Variants in AP4S1 observed in about 807,000 individuals in gnomAD.
The protein encoded by AP4S1 is adaptor related protein complex 4 subunit sigma 1.
Under a neutral mutation model 19.8 loss-of-function variants are expected in AP4S1, and 23 were observed. That is an observed-to-expected ratio of 1.16 (90% CI 0.84 to 1.65). The LOEUF is 1.65. Ranked by LOEUF, AP4S1 falls within the 40% of genes most tolerant of loss-of-function variation. The pLI, the probability that AP4S1 is intolerant of heterozygous loss-of-function variation, is 0.00. For synonymous variants in AP4S1, 46 were observed against 54.1 expected (o/e 0.85, Z 0.66); for missense variants, 166 against 172.8 (o/e 0.96, Z 0.22).
At chr14:31,087,812 T>A (rs1160309409) in intron 5 of AP4S1, among the ~76,000 whole-genome samples, 1 of 151,968 alleles carries the variant, frequency 6.6e-6, no homozygotes, top group Non-Finnish European at 1.5e-5. Flanking sequence ...GTTGGAAGAG[T>A]CAGAAAGGAT....
chr14:31,025,916 C>G, intron 1 of AP4S1, 129 bp downstream of exon 1: 2 of 1,601,466 alleles, frequency 1.2e-6, no homozygotes, highest in Non-Finnish European at 1.7e-6. Context: ...GCAGTTCGGC[C>G]CGTTCCACCT....
At chr14:31,053,818 G>C (rs754471592) in intron 1 of AP4S1, among the ~76,000 whole-genome samples, 2 of 151,668 alleles carry the variant, frequency 1.3e-5, no homozygotes, top group Non-Finnish European at 2.9e-5. Context: ...TAGTTGCTAA[G>C]ACATTTTAGA....
chr14:31,026,523 T>C (rs1484364283), intron 1 of AP4S1: 1 of 236,720 alleles, frequency 4.2e-6, no homozygotes, highest in Admixed American at 5.8e-5. Context: ...AATCGCCAAA[T>C]AGAGTCCGGC....
intron 1 of AP4S1, among the ~76,000 whole-genome samples, chr14:31,064,450 T>A (rs1035122750): frequency 2.0e-5 from 3 of 152,066 alleles, no homozygotes; most frequent in African/African-American, 7.2e-5. Context: ...GCCTTCTGAG[T>A]AGCTGGGATT....
chr14:31,039,466 T>TG (rs1226210500), intron 1 of AP4S1, among the ~76,000 whole-genome samples: 1 of 152,148 alleles, frequency 6.6e-6, no homozygotes, highest in African/African-American at 2.4e-5. Flanking sequence ...ATCACAGGCG[T>TG]GAGCCACTGT....
chr14:31,085,245 T>A (rs1780296632), intron 5 of AP4S1: 1 of 1,044,898 alleles, frequency 9.6e-7, no homozygotes, highest in African/African-American at 1.7e-5. Flanking sequence ...GGTCCCTAGA[T>A]ATCCCAGAAC....
chr14:31,072,529 C>G (rs1384456577), intron 3 of AP4S1, among the ~76,000 whole-genome samples: 1 of 152,122 alleles, frequency 6.6e-6, no homozygotes, highest in Non-Finnish European at 1.5e-5. Flanking sequence ...CACCACCACA[C>G]CTGGCTAGTT....
rs199545043 is a variant in AP4S1, at chr14:31,094,999, G to C, written c.*1964G>C. 2 of 152,320 alleles carry C rather than the reference G, an allele frequency of 1.3e-5. No homozygotes were observed. Among genetic ancestry groups the C allele is most frequent in the East Asian group, 1.9e-4 (1 of 5,200 alleles). 9.4% of individuals were successfully genotyped at this position (152,320 alleles called of 1,614,324 possible). A position where few individuals can be genotyped will look rare whatever the true frequency, so the allele number is the denominator to read the frequency against. Reference sequence around the variant, plus strand: ...CCACTGCACTCCAGCCTGGGCGACAGAGTGAGACCCTGTCTCTAAAAATAA... The same window carrying C: ...CCACTGCACTCCAGCCTGGGCGACACAGTGAGACCCTGTCTCTAAAAATAA... On this transcript the variant is annotated 3_prime_UTR_variant, in exon 6 of 6. Coordinates refer to ENST00000542754, the MANE Select transcript of AP4S1 (RefSeq NM_001128126.3).
intron 1 of AP4S1, among the ~76,000 whole-genome samples, chr14:31,033,332 A>G (rs1208880134): frequency 6.6e-6 from 1 of 151,878 alleles, no homozygotes; most frequent in African/African-American, 2.4e-5. Context: ...TCCTGCCTCA[A>G]CTTCCTGAGT....
chr14:31,079,420 G>A (rs570206337), intron 4 of AP4S1, among the ~76,000 whole-genome samples: 27 of 152,170 alleles, frequency 1.8e-4, no homozygotes, highest in Non-Finnish European at 2.9e-4. Flanking sequence ...CATGGGAGGA[G>A]GCTGCACATT....
intron 1 of AP4S1, chr14:31,033,113 T>C (rs772219011): frequency 5.3e-5 from 8 of 152,228 alleles, no homozygotes; most frequent in Admixed American, 1.3e-4. Context: ...ATCCTATCAA[T>C]GGGTTCATTA....
At chr14:31,041,793 C>T (rs374123302) in intron 1 of AP4S1, among the ~76,000 whole-genome samples, 8 of 152,206 alleles carry the variant, frequency 5.3e-5, no homozygotes, top group Admixed American at 2.0e-4. Flanking sequence ...CATTTCTAAC[C>T]TATACCCACA....
chr14:31,073,285 T>C (rs1289396290), intron 4 of AP4S1: 20 of 323,320 alleles, frequency 6.2e-5, no homozygotes, highest in South Asian at 3.7e-4. Flanking sequence ...GGTCAGGAGA[T>C]GGAGACCATC....
chr14:31,026,230 C>A, intron 1 of AP4S1: 1 of 1,376,974 alleles, frequency 7.3e-7, no homozygotes, highest in Non-Finnish European at 9.3e-7. Context: ...ACGCCGACAG[C>A]TGGGGGAAGG....
intron 1 of AP4S1, among the ~76,000 whole-genome samples, chr14:31,051,255 CAA>C (rs1187415787): frequency 2.5e-4 from 28 of 113,692 alleles, no homozygotes; most frequent in Admixed American, 4.7e-4. Flanking sequence ...AACCGTGTCT[CAA>C]AAAAAAAAAA....
chr14:31,025,931 G>C (rs779726846), intron 1 of AP4S1, 144 bp downstream of exon 1: 2 of 1,601,112 alleles, frequency 1.2e-6, no homozygotes, highest in Non-Finnish European at 1.7e-6. Flanking sequence ...CCACCTCCCA[G>C]TGCGCCCGCT....
intron 1 of AP4S1, among the ~76,000 whole-genome samples, chr14:31,028,584 CA>C (rs1358270967): frequency 7.8e-6 from 1 of 128,286 alleles, no homozygotes; most frequent in Non-Finnish European, 1.7e-5. Context: ...GCCTCAAAGA[CA>C]TACACACACA....
At chr14:31,088,162 C>T (rs1252632577) in intron 5 of AP4S1, among the ~76,000 whole-genome samples, 1 of 152,112 alleles carries the variant, frequency 6.6e-6, no homozygotes, top group Non-Finnish European at 1.5e-5. Flanking sequence ...ACAGTTCTGC[C>T]TCCAGGTTTT....
chr14:31,066,376 G>A (rs540477404), intron 2 of AP4S1, 42 bp downstream of exon 2: 2 of 1,612,800 alleles, frequency 1.2e-6, no homozygotes, highest in South Asian at 2.2e-5. Context: ...ATTCAACTCA[G>A]CCTTGGCAGA....
Sources: gnomAD v4.1 joint callset for allele counts (sites outside exome capture counted in the v4.1 genomes callset) on GRCh38, gnomAD v4.1.1 for gene constraint, MANE v1.5 for transcripts, NCBI Gene and HGNC (gene_info 2026-07-23, HGNC 2026-07-21) for gene names.